Variants in RASSF5 observed in about 807,000 individuals in gnomAD.
RASSF5 encodes the protein Ras association domain family member 5.
Under a neutral mutation model 40.5 loss-of-function variants are expected in RASSF5, and 25 were observed. That is an observed-to-expected ratio of 0.62 (90% CI 0.45 to 0.86). RASSF5 has a LOEUF of 0.86. Ranked by LOEUF, RASSF5 falls within the 40% of genes least tolerant of loss-of-function variation. The pLI is 0.00. For synonymous variants in RASSF5, 246 were observed against 252.4 expected (o/e 0.97, Z 0.24); for missense variants, 521 against 572.8 (o/e 0.91, Z 0.92).
chr1:206,516,521 A>G (rs1666749606), intron 1 of RASSF5, among the ~76,000 whole-genome samples: 1 of 152,044 alleles, frequency 6.6e-6, no homozygotes, highest in Non-Finnish European at 1.5e-5. Flanking sequence ...CAGTGGTGCA[A>G]TCTCGGCTGA....
intron 1 of RASSF5, among the ~76,000 whole-genome samples, chr1:206,527,047 T>C (rs782558997): frequency 1.3e-5 from 2 of 152,168 alleles, no homozygotes; most frequent in Non-Finnish European, 2.9e-5. Context: ...CTGAGGTTAA[T>C]TGTCCAGGTT....
intron 1 of RASSF5, among the ~76,000 whole-genome samples, chr1:206,533,183 G>A (rs1260424380): frequency 2.0e-5 from 3 of 152,234 alleles, no homozygotes; most frequent in Non-Finnish European, 4.4e-5. Flanking sequence ...AGGCCACCAT[G>A]GCCTGTGGGC....
In RASSF5 at chr1:206,584,754, C is replaced by T; in HGVS notation, c.988+70C>T. 1.3e-6 allele frequency: 2 copies of T among 1,545,434 alleles called. No individual in the cohort carries two copies. The highest frequency in any genetic ancestry group is 1.8e-6 in the Non-Finnish European group (2 of 1,131,216). ...GTGTCCAAGCCCACCCACTAAAACT[C>T]CTGCCGGCCTTGGGTGGGAGCTGTG... On this transcript the variant is annotated intron_variant, in intron 4 of 5. Coordinates refer to ENST00000579436, the MANE Select transcript of RASSF5 (RefSeq NM_182663.4). This position sits in a 1 kb window ranked among gnomAD's most constrained non-coding sequence, Gnocchi z 4.9.
Position 206,584,367 on chromosome 1 carries a change from T to A in RASSF5, c.691-20T>A. ...CAAGGCGGACGGCCCTGACCCCCTG[T>A]GACATGCCCCCGCTGGCAGAGTGAA... On this transcript the variant is annotated intron_variant, in intron 3 of 5. Transcript: ENST00000579436. This position sits in a 1 kb window ranked among gnomAD's most constrained non-coding sequence, Gnocchi z 4.9. 6.3e-7 allele frequency: 1 copy of A among 1,596,462 alleles called. No homozygotes were observed. The highest frequency in any genetic ancestry group is 8.5e-7 in the Non-Finnish European group (1 of 1,170,362).
intron 2 of RASSF5, among the ~76,000 whole-genome samples, chr1:206,558,467 G>A (rs1401569584): frequency 6.6e-6 from 1 of 152,066 alleles, no homozygotes; most frequent in African/African-American, 2.4e-5. Flanking sequence ...AGATGAGAGG[G>A]CTCCAAGCCA....
Position 206,587,050 on chromosome 1 carries a change from AC to A in RASSF5, c.*73del. ...TATTAATTATTATTTTGCAACAGACACTTTTTCTCAGGACATCTCTGGCAGG... is the reference window on the plus strand; with the variant it reads ...TATTAATTATTATTTTGCAACAGACATTTTTCTCAGGACATCTCTGGCAGG... On this transcript the variant is annotated 3_prime_UTR_variant, in exon 6 of 6. Coordinates refer to ENST00000579436, the MANE Select transcript of RASSF5 (RefSeq NM_182663.4). 1 of 1,557,862 alleles carries A rather than the reference AC, an allele frequency of 6.4e-7. No homozygotes were observed. The highest frequency in any genetic ancestry group is 1.4e-5 in the African/African-American group (1 of 73,006).
intron 2 of RASSF5, among the ~76,000 whole-genome samples, chr1:206,546,258 C>G (rs1356503538): frequency 6.6e-6 from 1 of 151,360 alleles, no homozygotes; most frequent in African/African-American, 2.4e-5. Flanking sequence ...ACACATGCAC[C>G]ACCACACCTG....
chr1:206,583,639 T>C (rs782685221), intron 3 of RASSF5: 5 of 452,842 alleles, frequency 1.1e-5, no homozygotes, highest in Admixed American at 3.5e-5. Flanking sequence ...TGAGCTTCAG[T>C]GTAAACTAAG....
intron 2 of RASSF5, among the ~76,000 whole-genome samples, chr1:206,539,332 C>G (rs1176584955): frequency 6.6e-6 from 1 of 152,128 alleles, no homozygotes; most frequent in Non-Finnish European, 1.5e-5. Context: ...CGGAAAATCT[C>G]AAGGTGCTCT....
chr1:206,585,196 C>G lies in RASSF5; in HGVS notation c.1005C>G (p.Leu335=), dbSNP rs1553407347. ...GGTTTGCAGTGCTCTTCCAGAAACT[C>G]TCCATTGCTGACCGCCCCCTCTACC... ...HKDGQVLFQK[L]SIADRPLYLR... The change falls in exon 5 of 6, where the codon CTC becomes CTG. Residue 335 remains leucine (L), a synonymous_variant. Transcript: ENST00000579436. The G allele has an allele frequency of 4.3e-6, 7 of 1,613,960 alleles. No individual in the cohort carries two copies. Among genetic ancestry groups the G allele is most frequent in the Non-Finnish European group, 5.1e-6 (6 of 1,179,958 alleles).
intron 1 of RASSF5, among the ~76,000 whole-genome samples, chr1:206,519,568 C>T (rs568338143): frequency 4.2e-4 from 64 of 152,288 alleles, no homozygotes; most frequent in Admixed American, 1.6e-3. Context: ...TTCTCTTTAA[C>T]GGTTGGCACT....
At chr1:206,532,048 T>C (rs978238403) in intron 1 of RASSF5, among the ~76,000 whole-genome samples, 14 of 111,776 alleles carry the variant, frequency 1.3e-4, no homozygotes, top group Non-Finnish European at 2.2e-4. Context: ...TGAGACTCTG[T>C]CTCAAAAAAG....
chr1:206,533,104 G>A (rs1667284605), intron 1 of RASSF5, among the ~76,000 whole-genome samples: 1 of 152,192 alleles, frequency 6.6e-6, no homozygotes, highest in Non-Finnish European at 1.5e-5. Context: ...CCTGTGTCCT[G>A]TGTAGTTCCA....
intron 2 of RASSF5, among the ~76,000 whole-genome samples, chr1:206,547,246 C>G (rs1553400332): frequency 6.6e-6 from 1 of 152,198 alleles, no homozygotes; most frequent in Non-Finnish European, 1.5e-5. Flanking sequence ...GGTCCCAGCC[C>G]CCAGGGCCAC....
chr1:206,552,005 G>C lies in RASSF5; in HGVS notation c.579+13712G>C. Among the ~76,000 whole-genome samples the C allele has an allele frequency of 6.6e-6, 1 of 152,242 alleles. No individual in the cohort carries two copies. The highest frequency in any genetic ancestry group is 1.9e-4 in the East Asian group (1 of 5,208). The stretch of plus-strand genomic sequence containing the variant: ...ATTAGAAGACAGAGCCCTTGGGCCT[G>C]ACTCAGACCCTGACATGAGTTCTTG... On this transcript the variant is annotated intron_variant, in intron 2 of 5. Coordinates refer to ENST00000579436, the MANE Select transcript of RASSF5 (RefSeq NM_182663.4). This position sits in a 1 kb window ranked among gnomAD's most constrained non-coding sequence, Gnocchi z 4.1.
intron 2 of RASSF5, among the ~76,000 whole-genome samples, chr1:206,540,006 C>A (rs1285510175): frequency 6.6e-6 from 1 of 152,158 alleles, no homozygotes; most frequent in Non-Finnish European, 1.5e-5. Flanking sequence ...CTGTTCCTTC[C>A]TTTAGAGCAG....
rs112875260 is a variant in RASSF5 at position 206,529,424 on chromosome 1, G to T, written c.458-8748G>T. Reference sequence around the variant, plus strand: ...AGCTGGTCGTCTTCTTGCCTGCCCTGTGTCATAAAATGGGGGTCCCTTACT... The same window carrying T: ...AGCTGGTCGTCTTCTTGCCTGCCCTTTGTCATAAAATGGGGGTCCCTTACT... On this transcript the variant is annotated intron_variant, in intron 1 of 5. Coordinates refer to ENST00000579436, the MANE Select transcript of RASSF5 (RefSeq NM_182663.4). 6.2e-3 allele frequency: 5,082 copies of T among 817,890 alleles called. 186 individuals are homozygous for T. In the African/African-American group the frequency reaches 0.076, roughly 12 times the overall value. 50.7% of individuals were successfully genotyped at this position (817,890 alleles called of 1,614,324 possible). A position where few individuals can be genotyped will look rare whatever the true frequency, so the allele number is the denominator to read the frequency against.
intron 1 of RASSF5, chr1:206,529,732 A>G (rs1310155804): frequency 2.6e-5 from 15 of 580,672 alleles, no homozygotes; most frequent in South Asian, 2.3e-4. Context: ...TTTTCTGTAC[A>G]TAAAAATAAT....
intron 2 of RASSF5, among the ~76,000 whole-genome samples, chr1:206,548,047 G>A (rs1032838894): frequency 1.3e-5 from 2 of 151,952 alleles, no homozygotes; most frequent in African/African-American, 4.8e-5. Context: ...TTCTAGGTTG[G>A]CACTTTTTTT....
Sources: gnomAD v4.1 joint callset for allele counts (sites outside exome capture counted in the v4.1 genomes callset) on GRCh38, gnomAD v4.1.1 for gene constraint, Gnocchi (gnomAD v3.1) non-coding constraint, MANE v1.5 for transcripts, NCBI Gene and HGNC (gene_info 2026-07-23, HGNC 2026-07-21) for gene names.